The following CNTLN variants were observed in gnomAD, a reference collection of about 807,000 sequenced individuals.
CNTLN encodes the protein centlein, centrosomal protein.
Under a neutral mutation model 180.0 loss-of-function variants are expected in CNTLN, and 212 were observed. The observed-to-expected ratio is 1.18, with a 90% confidence interval of 1.05 to 1.32. CNTLN has a LOEUF of 1.32. Ranked by LOEUF, CNTLN falls within the 40% of genes most tolerant of loss-of-function variation. CNTLN has a pLI of 0.00. For synonymous variants in CNTLN, 722 were observed against 563.1 expected (o/e 1.28, Z -3.99); for missense variants, 2,095 against 1,610.9 (o/e 1.30, Z -5.14).
chr9:17,249,463 T>G (rs916273448), intron 5 of CNTLN, among the ~76,000 whole-genome samples: 1 of 151,236 alleles, frequency 6.6e-6, no homozygotes, highest in Admixed American at 6.6e-5. Context: ...ATTCTCCTGC[T>G]TCAGCCTCCC....
At chr9:17,506,806 C>A (rs1446277230), downstream of CNTLN, among the ~76,000 whole-genome samples, 2 of 152,058 alleles carry the variant, frequency 1.3e-5, no homozygotes, top group African/African-American at 4.8e-5. Context: ...TCATGAGATA[C>A]ATGGGCAGAA....
At chr9:17,335,739 A>C (rs1231019175) in intron 10 of CNTLN, among the ~76,000 whole-genome samples, 2 of 151,954 alleles carry the variant, frequency 1.3e-5, no homozygotes, top group East Asian at 3.9e-4. Context: ...GGAGTTCAAG[A>C]CCAGCCTGGA....
At chr9:17,208,426 GT>G (rs1395114927) in intron 2 of CNTLN, among the ~76,000 whole-genome samples, 7 of 152,202 alleles carry the variant, frequency 4.6e-5, no homozygotes, top group African/African-American at 1.4e-4. Flanking sequence ...TTGGCCAGTG[GT>G]TTCCTTTATT....
chr9:17,405,823 C>T (rs1318291020), intron 15 of CNTLN, among the ~76,000 whole-genome samples: 1 of 151,400 alleles, frequency 6.6e-6, no homozygotes, highest in East Asian at 1.9e-4. Context: ...AGTTTTGCTC[C>T]TGTTGCCCTG....
At chr9:17,222,332 A>G (rs1824190503) in intron 2 of CNTLN, among the ~76,000 whole-genome samples, 2 of 152,000 alleles carry the variant, frequency 1.3e-5, no homozygotes, top group East Asian at 3.9e-4. Context: ...ACCTTAATTG[A>G]TATGGTTAGG....
intron 15 of CNTLN, among the ~76,000 whole-genome samples, chr9:17,408,128 C>CAA (rs34374959): frequency 0.74 from 43,350 of 58,936 alleles, 17,616 homozygotes; most frequent in Non-Finnish European, 0.84. Context: ...GACTCTGTCT[C>CAA]AAAAAAAAAA....
intron 8 of CNTLN, among the ~76,000 whole-genome samples, chr9:17,312,283 TACTG>T (rs1425999635): frequency 6.7e-6 from 1 of 148,996 alleles, no homozygotes; most frequent in Non-Finnish European, 1.5e-5. Flanking sequence ...GTTTTATTGT[TACTG>T]ACTTCTAATC....
intron 18 of CNTLN, among the ~76,000 whole-genome samples, chr9:17,446,352 G>A (rs1403461952): frequency 1.3e-5 from 2 of 152,024 alleles, no homozygotes; most frequent in Non-Finnish European, 2.9e-5. Context: ...AAATATTTCC[G>A]TTTTTAAGTA....
chr9:17,135,073 C>T lies in CNTLN; in HGVS notation c.8C>T (p.Ala3Val), dbSNP rs1586873215. The T allele has an allele frequency of 1.9e-6, 3 of 1,596,886 alleles. No homozygotes were observed. Among genetic ancestry groups the T allele is most frequent in the Non-Finnish European group, 2.6e-6 (3 of 1,175,776 alleles). Residue 3 changes from alanine to valine, a missense_variant, in exon 1 of 26, where the codon GCG (alanine) becomes GTG (valine). Coordinates refer to ENST00000380647, the MANE Select transcript of CNTLN (RefSeq NM_017738.4). The stretch of plus-strand genomic sequence containing the variant: ...CCGTTAGCAGCCGCAGCCATGGCGG[C>T]GCGTTCGCCTCCCTCACCGCACCCT... MA[A>V]RSPPSPHPSP... is the part of the protein sequence containing the mutation.
intron 18 of CNTLN, among the ~76,000 whole-genome samples, chr9:17,430,948 A>G (rs1386338271): frequency 6.6e-6 from 1 of 152,056 alleles, no homozygotes; most frequent in African/African-American, 2.4e-5. Flanking sequence ...TTATCCATTC[A>G]TCTGTTGTTG....
chr9:17,220,467 T>G (rs1824056281), intron 2 of CNTLN, among the ~76,000 whole-genome samples: 2 of 152,078 alleles, frequency 1.3e-5, no homozygotes. Flanking sequence ...GTTAAATGTT[T>G]TTTAGGTAAA....
chr9:17,154,356 T>A (rs377476093), intron 2 of CNTLN, among the ~76,000 whole-genome samples: 13 of 152,232 alleles, frequency 8.5e-5, no homozygotes, highest in African/African-American at 2.7e-4. Context: ...GATGTGCTAA[T>A]CCTTTCTGTT....
At chr9:17,329,406 C>T (rs1820501783) in intron 8 of CNTLN, among the ~76,000 whole-genome samples, 1 of 151,886 alleles carries the variant, frequency 6.6e-6, no homozygotes, top group Non-Finnish European at 1.5e-5. Context: ...TTTAGACTTC[C>T]TGGAAGAGAA....
At chr9:17,513,496 C>G in the CNTLN span, among the ~76,000 whole-genome samples, 152,021 of 152,280 alleles carry the variant, frequency 1, 75,882 homozygotes, top group Middle Eastern at 1. Flanking sequence ...AGGAGTTCAA[C>G]ACCAGCCTGA....
intron 25 of CNTLN, among the ~76,000 whole-genome samples, chr9:17,492,482 A>G (rs1833218662): frequency 6.6e-6 from 1 of 152,140 alleles, no homozygotes; most frequent in South Asian, 2.1e-4. Context: ...TATTTATTCA[A>G]CAAACTTTTA....
intron 2 of CNTLN, among the ~76,000 whole-genome samples, chr9:17,202,644 C>CTTTTTTTTT (rs1822613363): frequency 1.1e-5 from 1 of 87,096 alleles, no homozygotes; most frequent in East Asian, 5.0e-4. Flanking sequence ...ATTGCAACCT[C>CTTTTTTTTT]TGTTTTTTTT....
intron 9 of CNTLN, among the ~76,000 whole-genome samples, 170 bp from the exon 10 acceptor site, chr9:17,332,435 C>T (rs576500285): frequency 1.6e-4 from 25 of 151,672 alleles, no homozygotes; most frequent in South Asian, 1.0e-3. Context: ...AAACCTTTAG[C>T]GGTAGCACTG....
At position 17,183,845 on chromosome 9, in the gene CNTLN, A is replaced by C. The variant is rs553045613; in HGVS notation, c.449+40469A>C. Among the ~76,000 whole-genome samples, 57 of 152,196 alleles carry C rather than the reference A, an allele frequency of 3.7e-4. 2 individuals are homozygous for C. In the South Asian group the frequency reaches 0.011, roughly 29 times the overall value. ...TATCCCAAAGGCATTTCTAATTTGC[A>C]TAGTAAAGATAGTATTATTTATATT... is the stretch of plus-strand genomic sequence containing the variant. On this transcript the variant is annotated intron_variant, in intron 2 of 25. Coordinates refer to ENST00000380647, the MANE Select transcript of CNTLN (RefSeq NM_017738.4).
intron 13 of CNTLN, among the ~76,000 whole-genome samples, chr9:17,378,708 G>A (rs1303372667): frequency 6.6e-6 from 1 of 152,112 alleles, no homozygotes. Context: ...TTTGTTAAAT[G>A]TACACTTTGC....
Sources: gnomAD v4.1 joint callset for allele counts (sites outside exome capture counted in the v4.1 genomes callset) on GRCh38, gnomAD v4.1.1 for gene constraint, MANE v1.5 for transcripts, NCBI Gene and HGNC (gene_info 2026-07-23, HGNC 2026-07-21) for gene names.